Variants in DPYD observed in about 807,000 individuals in gnomAD.
The protein encoded by DPYD is dihydropyrimidine dehydrogenase, also known as dihydropyrimidine dehydrogenase [NADP(+)].
Under a neutral mutation model 116.2 loss-of-function variants are expected in DPYD, and 109 were observed. That is an observed-to-expected ratio of 0.94 (90% CI 0.80 to 1.10). The LOEUF (loss-of-function observed/expected upper bound fraction) is 1.10, where lower values mean the gene tolerates loss of function less well. Among genes scored for constraint, DPYD ranks in the 50% least tolerant of loss-of-function variants. DPYD has a pLI of 0.00. For synonymous variants in DPYD, 440 were observed against 432.0 expected (o/e 1.02, Z -0.23); for missense variants, 1,302 against 1,254.5 (o/e 1.04, Z -0.57).
At chr1:97,313,453 T>C (rs1004268028) in intron 16 of DPYD, among the ~76,000 whole-genome samples, 1 of 151,754 alleles carries the variant, frequency 6.6e-6, no homozygotes, top group Non-Finnish European at 1.5e-5. Flanking sequence ...AATGTGATTA[T>C]AAAATGTTGT....
intron 4 of DPYD, among the ~76,000 whole-genome samples, chr1:97,732,332 G>A (rs541089771): frequency 4.0e-5 from 6 of 151,848 alleles, no homozygotes; most frequent in South Asian, 4.2e-4. Flanking sequence ...AAAATTAGCC[G>A]GGCATGGTGG....
At chr1:97,257,463 A>AG (rs1553243475) in intron 18 of DPYD, among the ~76,000 whole-genome samples, 18,949 of 131,620 alleles carry the variant, frequency 0.14, 1,481 homozygotes, top group East Asian at 0.34. Context: ...AGAGAGAGAG[A>AG]AAGAGAGAGA....
At chr1:97,724,299 GGGGGGGGGGTGT>G (rs1557910125) in intron 4 of DPYD, among the ~76,000 whole-genome samples, 1 of 15,356 alleles carries the variant, frequency 6.5e-5, no homozygotes, top group African/African-American at 2.5e-4. Context: ...TATGTGGGGG[GGGGGGGGGGTGT>G]GTGTGTGTGT....
At chr1:97,654,671 TATAAAA>T (rs1658795209) in intron 8 of DPYD, among the ~76,000 whole-genome samples, 2 of 151,738 alleles carry the variant, frequency 1.3e-5, no homozygotes, top group Admixed American at 6.6e-5. Context: ...AAATGTCCTT[TATAAAA>T]ATAAAGACAT....
intron 3 of DPYD, among the ~76,000 whole-genome samples, chr1:97,749,678 T>C (rs922933611): frequency 2.0e-5 from 3 of 152,194 alleles, no homozygotes; most frequent in Admixed American, 6.5e-5. Flanking sequence ...GTTCAGAGTA[T>C]TTTTTACAGT....
chr1:97,410,094 GA>G (rs147971044), intron 14 of DPYD, among the ~76,000 whole-genome samples: 21,464 of 139,092 alleles, frequency 0.15, 1,634 homozygotes, highest in South Asian at 0.29. Flanking sequence ...AGAAGAAGAA[GA>G]AAAAAAAAAA....
At chr1:97,821,816 CATT>C (rs1351829960) in intron 3 of DPYD, among the ~76,000 whole-genome samples, 1 of 152,014 alleles carries the variant, frequency 6.6e-6, no homozygotes, top group Non-Finnish European at 1.5e-5. Context: ...TGTATACAAA[CATT>C]ATATTTTATA....
At chr1:97,395,096 T>C (rs765010160) in intron 14 of DPYD, among the ~76,000 whole-genome samples, 12 of 151,858 alleles carry the variant, frequency 7.9e-5, no homozygotes, top group Non-Finnish European at 1.6e-4. Context: ...CTGACTTCCT[T>C]TGGCACCCCT....
At chr1:97,540,216 C>G (rs1245142746) in intron 12 of DPYD, among the ~76,000 whole-genome samples, 1 of 151,522 alleles carries the variant, frequency 6.6e-6, no homozygotes, top group Non-Finnish European at 1.5e-5. Flanking sequence ...AATAACAAGC[C>G]CCAGGTTATT....
At chr1:97,448,655 T>C (rs1425861784) in intron 14 of DPYD, among the ~76,000 whole-genome samples, 1 of 151,598 alleles carries the variant, frequency 6.6e-6, no homozygotes, top group African/African-American at 2.4e-5. Flanking sequence ...TGAGAAAGGC[T>C]TCCCAAAAGA....
intron 16 of DPYD, among the ~76,000 whole-genome samples, chr1:97,333,892 G>A (rs192199856): frequency 3.9e-5 from 6 of 152,192 alleles, no homozygotes; most frequent in Admixed American, 1.3e-4. Context: ...AAATTTGATG[G>A]TGACTCAGAC....
rs1673789985 is a variant in DPYD at position 97,408,303 on chromosome 1, A to AG, written c.1906-25843_1906-25842insC. 3.3e-5 allele frequency among the ~76,000 whole-genome samples: 5 copies of AG among 152,278 alleles called. No homozygotes were observed. The South Asian group carries it at 1.0e-3, about 32-fold the overall frequency. On this transcript the variant is annotated intron_variant, in intron 14 of 22. Transcript: ENST00000370192. The stretch of plus-strand genomic sequence containing the variant: ...CACGTGACCAGCTACAGAAATGAGG[A>AG]CTGTAATTGTCATGAGTATTTCCTT...
chr1:97,355,589 C>T (rs1331424105), intron 16 of DPYD, among the ~76,000 whole-genome samples: 2 of 152,144 alleles, frequency 1.3e-5, no homozygotes, highest in South Asian at 2.1e-4. Flanking sequence ...CTCCCCACCC[C>T]GAGCTTCTGG....
chr1:97,565,853 A>C (rs1048408971), intron 11 of DPYD, among the ~76,000 whole-genome samples: 31 of 152,194 alleles, frequency 2.0e-4, no homozygotes, highest in African/African-American at 7.5e-4. Context: ...AGAAATCATA[A>C]AATAAAAAGT....
intron 20 of DPYD, among the ~76,000 whole-genome samples, chr1:97,181,495 A>G (rs1657640637): frequency 6.6e-6 from 1 of 152,124 alleles, no homozygotes; most frequent in Non-Finnish European, 1.5e-5. Flanking sequence ...TTTTACCTGG[A>G]AAGTGAACAC....
chr1:97,530,702 T>C (rs1649554826), intron 12 of DPYD, among the ~76,000 whole-genome samples: 1 of 152,216 alleles, frequency 6.6e-6, no homozygotes, highest in African/African-American at 2.4e-5. Context: ...GAAACATCTA[T>C]ACTGTTTTCT....
intron 2 of DPYD, among the ~76,000 whole-genome samples, chr1:97,851,488 C>G (rs1468695433): frequency 1.3e-5 from 2 of 151,846 alleles, no homozygotes; most frequent in Admixed American, 6.6e-5. Context: ...GAATGGCATA[C>G]AGCATCACGG....
chr1:97,624,522 T>G (rs183896710), intron 8 of DPYD, among the ~76,000 whole-genome samples: 90 of 152,086 alleles, frequency 5.9e-4, no homozygotes, highest in African/African-American at 2.1e-3. Flanking sequence ...AGTGAGAATG[T>G]AAATTAGTAG....
intron 2 of DPYD, among the ~76,000 whole-genome samples, chr1:97,873,901 C>T (rs1386408755): frequency 2.0e-5 from 3 of 151,894 alleles, no homozygotes; most frequent in Non-Finnish European, 4.4e-5. Flanking sequence ...ACCTTACATT[C>T]TCGTGGGGAG....
Sources: allele counts gnomAD v4.1 joint callset (sites outside exome capture counted in the v4.1 genomes callset), GRCh38; gene constraint gnomAD v4.1.1; transcripts MANE v1.5; gene names NCBI Gene and HGNC (gene_info 2026-07-23, HGNC 2026-07-21).